The following CMIP variants were observed in gnomAD, a reference collection of about 807,000 sequenced individuals.
CMIP encodes C-Maf-inducing protein.
A neutral mutation model predicts 97.3 loss-of-function variants in CMIP; 13 were observed. The ratio of observed to expected loss-of-function variants is 0.13; its 90% CI spans 0.09 to 0.21. CMIP has a LOEUF of 0.21. CMIP is among the 10% of genes least tolerant of loss of function. The pLI is 1.00. For synonymous variants in CMIP, 538 were observed against 436.3 expected (o/e 1.23, Z -2.91); for missense variants, 847 against 1,024.9 (o/e 0.83, Z 2.37).
At chr16:81,471,206 G>A (rs549966595) in intron 1 of CMIP, among the ~76,000 whole-genome samples, 34 of 151,984 alleles carry the variant, frequency 2.2e-4, no homozygotes, top group African/African-American at 5.8e-4. Flanking sequence ...ACTCACATGC[G>A]CACACACATA....
chr16:81,624,729 A>C (rs1004059442), intron 3 of CMIP, among the ~76,000 whole-genome samples: 1 of 152,216 alleles, frequency 6.6e-6, no homozygotes, highest in African/African-American at 2.4e-5. Flanking sequence ...GGGAGGACAG[A>C]TGAGGGAGAC....
chr16:81,648,843 A>T (rs184849065), intron 3 of CMIP, among the ~76,000 whole-genome samples: 14 of 147,344 alleles, frequency 9.5e-5, no homozygotes, highest in Admixed American at 9.5e-4. Flanking sequence ...TTAGGGAGCT[A>T]ATGGACAAAT....
At chr16:81,531,468 A>G (rs2150823104) in intron 1 of CMIP, among the ~76,000 whole-genome samples, 1 of 152,320 alleles carries the variant, frequency 6.6e-6, no homozygotes, top group South Asian at 2.1e-4. Context: ...TTGGGACATC[A>G]ATGCCCTCAG....
rs2091764509 is a variant in CMIP, at chr16:81,607,549, T to G, written c.301-18T>G. The stretch of plus-strand genomic sequence containing the variant: ...CTGTAACCAATGCATATCTCTTCTT[T>G]TTCTTTTTTTGCTGCAGCCAACTGG... On this transcript the variant is annotated intron_variant, in intron 1 of 20. Transcript: ENST00000537098. 1 of 1,612,804 alleles carries G rather than the reference T, an allele frequency of 6.2e-7. No homozygotes were observed. Among genetic ancestry groups the G allele is most frequent in the Non-Finnish European group, 8.5e-7 (1 of 1,179,682 alleles).
At chr16:81,569,255 A>G in intron 1 of CMIP, among the ~76,000 whole-genome samples, 1 of 152,306 alleles carries the variant, frequency 6.6e-6, no homozygotes. Flanking sequence ...CATTCTATAC[A>G]TACTGTCTCA....
At chr16:81,665,200 C>G (rs909753026) in intron 7 of CMIP, 2 of 151,884 alleles carry the variant, frequency 1.3e-5, no homozygotes, top group Admixed American at 6.6e-5. Flanking sequence ...GCGGGTGGGG[C>G]GCTTGTAATC....
At chr16:81,582,441 G>T (rs1034247623) in intron 1 of CMIP, among the ~76,000 whole-genome samples, 1 of 152,150 alleles carries the variant, frequency 6.6e-6, no homozygotes, top group African/African-American at 2.4e-5. Flanking sequence ...GTCCTCAAAG[G>T]CCTCCCCTAA....
intron 1 of CMIP, among the ~76,000 whole-genome samples, chr16:81,587,940 A>G (rs1169620485): frequency 2.0e-5 from 3 of 152,194 alleles, no homozygotes; most frequent in Admixed American, 6.5e-5. Context: ...CCTCCATGGA[A>G]GCCTGCAGCC....
intron 1 of CMIP, among the ~76,000 whole-genome samples, chr16:81,575,811 G>T (rs576997809): frequency 2.2e-4 from 33 of 152,216 alleles, no homozygotes; most frequent in African/African-American, 7.9e-4. Context: ...TGTGAGTAGG[G>T]GTCAGTGATG....
intron 4 of CMIP, among the ~76,000 whole-genome samples, chr16:81,654,824 A>G (rs2092465497): frequency 6.6e-6 from 1 of 152,176 alleles, no homozygotes; most frequent in Non-Finnish European, 1.5e-5. Flanking sequence ...CCCTGCACAT[A>G]GATGTGAGAT....
rs113398555 is a variant in CMIP, at chr16:81,455,942, G to A, written c.300+10401G>A. 8.0e-3 allele frequency among the ~76,000 whole-genome samples: 1,219 copies of A among 152,332 alleles called. 20 individuals are homozygous for A. The highest frequency in any genetic ancestry group is 0.028 in the African/African-American group (1,148 of 41,576). On this transcript the variant is annotated intron_variant, in intron 1 of 20. Coordinates refer to ENST00000537098, the MANE Select transcript of CMIP (RefSeq NM_198390.3). ...CACAGTTGGGCACCTTGTAGGCGAC[G>A]CAGGAGTGGCACTCTGCCTCTTGTC...
chr16:81,699,836 T>A, intron 15 of CMIP, 35 bp downstream of exon 15: 2 of 1,411,716 alleles, frequency 1.4e-6, no homozygotes, highest in Non-Finnish European at 2.0e-6. Flanking sequence ...GTGGGGTGGC[T>A]GGCTCCCCGT....
chr16:81,682,774 C>G (rs1905002411), intron 10 of CMIP, among the ~76,000 whole-genome samples: 2 of 152,188 alleles, frequency 1.3e-5, no homozygotes, highest in Admixed American at 6.5e-5. Context: ...GCTGCGTGTT[C>G]CCATAGGAAG....
chr16:81,613,513 C>G (rs767404345), intron 2 of CMIP, among the ~76,000 whole-genome samples: 3 of 151,850 alleles, frequency 2.0e-5, no homozygotes, highest in Non-Finnish European at 4.4e-5. Context: ...AAGAACCTCT[C>G]TGGGGCTCAT....
chr16:81,529,378 C>G (rs770102492), intron 1 of CMIP, among the ~76,000 whole-genome samples: 1 of 152,052 alleles, frequency 6.6e-6, no homozygotes, highest in Non-Finnish European at 1.5e-5. Flanking sequence ...TGTGGGTGGG[C>G]AGAGTGTGAG....
chr16:81,701,538 G>T, intron 15 of CMIP, 122 bp from the exon 16 acceptor site: 1 of 1,362,234 alleles, frequency 7.3e-7, no homozygotes. Context: ...TTACACAGCC[G>T]GGGCTGCAGA....
At chr16:81,475,615 G>T (rs1907858031) in intron 1 of CMIP, among the ~76,000 whole-genome samples, 1 of 152,184 alleles carries the variant, frequency 6.6e-6, no homozygotes, top group African/African-American at 2.4e-5. Context: ...AGAGCACAAA[G>T]ATTCTAGGAT....
chr16:81,667,791 AGAGAGAGAGTGTGTGTGT>A (rs1280055996), intron 7 of CMIP, among the ~76,000 whole-genome samples: 29 of 102,878 alleles, frequency 2.8e-4, no homozygotes, highest in African/African-American at 9.6e-4. Flanking sequence ...AGAGAGAGAG[AGAGAGAGAGTGTGTGTGT>A]GTGTGTGTGT....
intron 1 of CMIP, among the ~76,000 whole-genome samples, chr16:81,502,939 C>T (rs770932265): frequency 6.6e-6 from 1 of 152,206 alleles, no homozygotes; most frequent in African/African-American, 2.4e-5. Flanking sequence ...TTTGCTGCTG[C>T]ATCCATCACG....
Sources: gnomAD v4.1 joint callset for allele counts (sites outside exome capture counted in the v4.1 genomes callset) on GRCh38, gnomAD v4.1.1 for gene constraint, MANE v1.5 for transcripts, NCBI Gene and HGNC (gene_info 2026-07-23, HGNC 2026-07-21) for gene names.